Variants in PRIM2 observed in about 807,000 individuals in gnomAD.
PRIM2 encodes DNA primase large subunit.
A neutral mutation model predicts 67.3 loss-of-function variants in PRIM2; 39 were observed. The observed-to-expected ratio is 0.58, with a 90% CI of 0.45 to 0.76. The LOEUF (loss-of-function observed/expected upper bound fraction) is 0.76. PRIM2 is among the 30% of genes least tolerant of loss of function. The pLI, the probability that PRIM2 is intolerant of heterozygous loss-of-function variation, is 0.00. For synonymous variants in PRIM2, 143 were observed against 198.7 expected (o/e 0.72, Z 2.36); for missense variants, 398 against 598.7 (o/e 0.66, Z 3.50).
At chr6:57,437,391 C>A (rs1178195185) in intron 7 of PRIM2, among the ~76,000 whole-genome samples, 1 of 152,320 alleles carries the variant, frequency 6.6e-6, no homozygotes, top group Non-Finnish European at 1.5e-5. Flanking sequence ...TTTCTCCCTA[C>A]CTTTATTCAC....
At chr6:57,488,556 C>T (rs1773805644) in intron 7 of PRIM2, among the ~76,000 whole-genome samples, 1 of 152,186 alleles carries the variant, frequency 6.6e-6, no homozygotes, top group Non-Finnish European at 1.5e-5. Flanking sequence ...TTTGTACTTA[C>T]CGAGCAAGTG....
At chr6:57,567,147 G>T (rs1775759664) in intron 10 of PRIM2, among the ~76,000 whole-genome samples, 1 of 151,940 alleles carries the variant, frequency 6.6e-6, no homozygotes, top group African/African-American at 2.4e-5. Flanking sequence ...TTGTAATTTT[G>T]ATCAGCATGG....
intron 10 of PRIM2, among the ~76,000 whole-genome samples, chr6:57,590,900 A>G (rs1287015287): frequency 6.6e-6 from 1 of 152,228 alleles, no homozygotes; most frequent in African/African-American, 2.4e-5. Context: ...TTTACATAAA[A>G]GAGAATTGTT....
intron 10 of PRIM2, among the ~76,000 whole-genome samples, chr6:57,572,874 G>T (rs1775887895): frequency 6.6e-6 from 1 of 152,202 alleles, no homozygotes. Flanking sequence ...AGCTGCTTGG[G>T]AAAGGGCTCT....
chr6:57,349,315 T>C (rs1768783200), intron 5 of PRIM2, among the ~76,000 whole-genome samples: 1 of 151,346 alleles, frequency 6.6e-6, no homozygotes, highest in South Asian at 2.1e-4. Context: ...GAAACACCAA[T>C]GCACACACCG....
chr6:57,549,977 C>T (rs1422523866), intron 10 of PRIM2, among the ~76,000 whole-genome samples: 24 of 151,972 alleles, frequency 1.6e-4, no homozygotes, highest in African/African-American at 3.9e-4. Context: ...CCCAGCTACT[C>T]GGGAGGCTGA....
chr6:57,602,715 G>T (rs1776492375), intron 11 of PRIM2, among the ~76,000 whole-genome samples: 1 of 152,102 alleles, frequency 6.6e-6, no homozygotes, highest in African/African-American at 2.4e-5. Flanking sequence ...GTTGTATCTT[G>T]TTATCCCAGT....
chr6:57,487,010 G>A (rs1773769691), intron 7 of PRIM2, among the ~76,000 whole-genome samples: 1 of 152,142 alleles, frequency 6.6e-6, no homozygotes, highest in Non-Finnish European at 1.5e-5. Flanking sequence ...AGCATTTAAT[G>A]TTTATTTTTG....
the PRIM2 span, among the ~76,000 whole-genome samples, chr6:57,243,586 A>G: frequency 6.6e-6 from 1 of 152,118 alleles, no homozygotes; most frequent in Admixed American, 6.5e-5. Flanking sequence ...CTCCTGCCTC[A>G]GCCTCCCAAG....
the PRIM2 span, among the ~76,000 whole-genome samples, chr6:57,306,853 A>C: frequency 1.3e-5 from 2 of 152,202 alleles, no homozygotes; most frequent in African/African-American, 4.8e-5. Flanking sequence ...ACTTTTATAA[A>C]AATGCTGAAT....
At chr6:57,367,830 G>A (rs548997019) in intron 5 of PRIM2, among the ~76,000 whole-genome samples, 121 of 152,320 alleles carry the variant, frequency 7.9e-4, no homozygotes, top group African/African-American at 2.7e-3. Flanking sequence ...GAATCTGCCA[G>A]TCCTCTCAAA....
chr6:57,485,011 A>T (rs1169917106), intron 7 of PRIM2, among the ~76,000 whole-genome samples: 2 of 152,216 alleles, frequency 1.3e-5, no homozygotes, highest in East Asian at 1.9e-4. Context: ...AGTACTCAAA[A>T]AAGTACTGTT....
the PRIM2 span, among the ~76,000 whole-genome samples, chr6:57,238,668 G>T: frequency 6.6e-6 from 1 of 152,108 alleles, no homozygotes; most frequent in Non-Finnish European, 1.5e-5. Flanking sequence ...AGAAGCAAGA[G>T]CAAATACATT....
chr6:57,583,134 T>G (rs1269005001), intron 10 of PRIM2, among the ~76,000 whole-genome samples: 51 of 150,952 alleles, frequency 3.4e-4, no homozygotes, highest in African/African-American at 1.2e-3. Flanking sequence ...TTTTTATGGC[T>G]GCATAGTATT....
the PRIM2 span, among the ~76,000 whole-genome samples, chr6:57,289,878 T>A: frequency 6.6e-6 from 1 of 152,190 alleles, no homozygotes; most frequent in African/African-American, 2.4e-5. Context: ...CCATCAATGC[T>A]ATGAAGAAAC....
At chr6:57,455,866 A>G (rs1455297911) in intron 7 of PRIM2, among the ~76,000 whole-genome samples, 1 of 152,084 alleles carries the variant, frequency 6.6e-6, no homozygotes, top group Non-Finnish European at 1.5e-5. Context: ...TAGTTGATTC[A>G]GTTTCTTCCT....
At position 57,531,778 on chromosome 6, in the gene PRIM2, C is replaced by G. The variant is rs1192127038; in HGVS notation, c.762-633C>G. Reference sequence around the variant, plus strand: ...TTTCTAACTCCTCCAAGCCTCCATTCATCAGATGATATACAGAAACGCTCT... The same window carrying G: ...TTTCTAACTCCTCCAAGCCTCCATTGATCAGATGATATACAGAAACGCTCT... On this transcript the variant is annotated intron_variant, in intron 8 of 13. Transcript: ENST00000615550. Among the ~76,000 whole-genome samples the G allele has an allele frequency of 3.9e-3, 593 of 152,300 alleles. 3 individuals carry two copies. The highest frequency in any genetic ancestry group is 0.013 in the African/African-American group (558 of 41,556).
At chr6:57,417,832 C>T (rs1465585466) in intron 7 of PRIM2, among the ~76,000 whole-genome samples, 1 of 152,122 alleles carries the variant, frequency 6.6e-6, no homozygotes, top group African/African-American at 2.4e-5. Flanking sequence ...TTGCCACAGA[C>T]CTTCAAATTG....
chr6:57,238,178 T>C, the PRIM2 span, among the ~76,000 whole-genome samples: 1 of 152,130 alleles, frequency 6.6e-6, no homozygotes, highest in Non-Finnish European at 1.5e-5. Flanking sequence ...AACAAGGATA[T>C]CCAGGAATGG....
Sources: gnomAD v4.1 joint callset for allele counts (sites outside exome capture counted in the v4.1 genomes callset) on GRCh38, gnomAD v4.1.1 for gene constraint, MANE v1.5 for transcripts, NCBI Gene and HGNC (gene_info 2026-07-23, HGNC 2026-07-21) for gene names.